PACRG: variants seen among roughly 807,000 people sequenced by gnomAD.
PACRG encodes parkin coregulated, also known as parkin coregulated gene protein.
A neutral mutation model predicts 29.7 loss-of-function variants in PACRG; 29 were observed. The observed-to-expected ratio is 0.98, with a 90% CI of 0.73 to 1.33. The LOEUF (loss-of-function observed/expected upper bound fraction) is 1.33. Ranked by LOEUF, PACRG falls within the 40% of genes most tolerant of loss-of-function variation. The probability of loss-of-function intolerance (pLI) is 0.00; values close to 1 mark genes in which losing one functional copy is unlikely to be tolerated. For missense variants in PACRG, 279 were observed against 316.2 expected (o/e 0.88, Z 0.89); for synonymous variants, 116 against 118.7 (o/e 0.98, Z 0.15).
At chr6:162,882,796 C>G (rs1389065978) in intron 2 of PACRG, among the ~76,000 whole-genome samples, 1 of 152,234 alleles carries the variant, frequency 6.6e-6, no homozygotes, top group African/African-American at 2.4e-5. Flanking sequence ...GAAGCCTTTT[C>G]TGACCTTCGT....
At chr6:162,884,516 G>C (rs866332249) in intron 2 of PACRG, among the ~76,000 whole-genome samples, 6 of 152,166 alleles carry the variant, frequency 3.9e-5, no homozygotes, top group African/African-American at 7.2e-5. Flanking sequence ...TGGGTAAAGG[G>C]TGAATGGGAT....
intron 3 of PACRG, among the ~76,000 whole-genome samples, chr6:163,078,874 C>T (rs1423770931): frequency 6.6e-6 from 1 of 152,192 alleles, no homozygotes; most frequent in East Asian, 1.9e-4. Flanking sequence ...AATGCCTGCT[C>T]AAAGTCCACC....
At chr6:162,741,652 A>C (rs375738386) in intron 1 of PACRG, among the ~76,000 whole-genome samples, 8 of 152,190 alleles carry the variant, frequency 5.3e-5, no homozygotes, top group Admixed American at 1.3e-4. Flanking sequence ...GAGCTTCAAC[A>C]CATTAATTTT....
At chr6:162,766,463 C>T (rs2128297271) in intron 1 of PACRG, among the ~76,000 whole-genome samples, 1 of 152,154 alleles carries the variant, frequency 6.6e-6, no homozygotes, top group Admixed American at 6.5e-5. Flanking sequence ...TATTGATGGA[C>T]CCTTAGGTTG....
At chr6:163,269,068 A>G (rs912884377) in intron 4 of PACRG, among the ~76,000 whole-genome samples, 1 of 152,264 alleles carries the variant, frequency 6.6e-6, no homozygotes, top group Non-Finnish European at 1.5e-5. Context: ...CGAGAGTGTC[A>G]ACAAGAACTG....
At chr6:162,869,201 G>A (rs150806303) in intron 2 of PACRG, among the ~76,000 whole-genome samples, 1 of 152,260 alleles carries the variant, frequency 6.6e-6, no homozygotes, top group East Asian at 1.9e-4. Flanking sequence ...CTGGGCTAGG[G>A]CGGCTCCAAG....
rs1011583015 is a variant in PACRG at position 163,063,550 on chromosome 6, C to A, written c.463+1229C>A. On this transcript the variant is annotated intron_variant, in intron 3 of 4. Coordinates refer to ENST00000366888, the MANE Select transcript of PACRG (RefSeq NM_001080379.2). ...CGTATCCAAGGTCACCATTTTTATTCATTCATTCGAATTTATCCATTCATT... is the reference window on the plus strand; with the variant it reads ...CGTATCCAAGGTCACCATTTTTATTAATTCATTCGAATTTATCCATTCATT... Among the ~76,000 whole-genome samples the A allele has an allele frequency of 3.3e-5, 5 of 152,320 alleles. No homozygotes were observed. In the East Asian group the frequency reaches 9.6e-4, roughly 29 times the overall value.
At chr6:162,735,968 C>A (rs1780135722) in intron 1 of PACRG, among the ~76,000 whole-genome samples, 1 of 152,150 alleles carries the variant, frequency 6.6e-6, no homozygotes, top group Non-Finnish European at 1.5e-5. Flanking sequence ...AAAGAAGCAT[C>A]AATTTTGTCA....
intron 4 of PACRG, among the ~76,000 whole-genome samples, chr6:163,224,509 TAG>T (rs1781711653): frequency 1.3e-5 from 2 of 150,030 alleles, no homozygotes; most frequent in South Asian, 4.2e-4. Context: ...TAGAACAGAA[TAG>T]AGAGGCCAAA....
intron 4 of PACRG, among the ~76,000 whole-genome samples, chr6:163,246,850 A>G (rs1281120807): frequency 6.6e-6 from 1 of 152,280 alleles, no homozygotes; most frequent in Non-Finnish European, 1.5e-5. Context: ...CAAGGTGGCC[A>G]GTTACAACAT....
At chr6:162,849,947 G>A (rs192030437) in intron 2 of PACRG, among the ~76,000 whole-genome samples, 2 of 152,260 alleles carry the variant, frequency 1.3e-5, no homozygotes, top group African/African-American at 4.8e-5. Context: ...TTGTAGGGTA[G>A]CATATTTCTA....
At chr6:162,897,246 T>A (rs550851738) in intron 2 of PACRG, among the ~76,000 whole-genome samples, 1 of 152,328 alleles carries the variant, frequency 6.6e-6, no homozygotes, top group South Asian at 2.1e-4. Context: ...TTTTTCAAAC[T>A]TCAGTACTAA....
At chr6:162,914,046 A>G (rs1305816224) in intron 2 of PACRG, among the ~76,000 whole-genome samples, 1 of 152,172 alleles carries the variant, frequency 6.6e-6, no homozygotes, top group Non-Finnish European at 1.5e-5. Context: ...AGGCTCTGCA[A>G]AAGAGAAAAT....
chr6:163,177,154 C>T (rs772810110), intron 4 of PACRG, among the ~76,000 whole-genome samples: 4 of 152,194 alleles, frequency 2.6e-5, no homozygotes, highest in East Asian at 1.9e-4. Context: ...ACATAACAGA[C>T]GCCCCAAGGC....
intron 1 of PACRG, among the ~76,000 whole-genome samples, chr6:162,784,405 A>G (rs762291795): frequency 4.6e-5 from 7 of 152,196 alleles, no homozygotes; most frequent in Non-Finnish European, 8.8e-5. Flanking sequence ...ACCTAGAGGA[A>G]GATAGAGCTG....
At chr6:163,046,963 C>A (rs1219645659) in intron 2 of PACRG, among the ~76,000 whole-genome samples, 1 of 152,206 alleles carries the variant, frequency 6.6e-6, no homozygotes, top group Non-Finnish European at 1.5e-5. Context: ...ACTATCATAA[C>A]AATTTCTTCT....
chr6:163,091,322 G>C (rs1814091331), intron 4 of PACRG, among the ~76,000 whole-genome samples: 1 of 152,140 alleles, frequency 6.6e-6, no homozygotes, highest in African/African-American at 2.4e-5. Flanking sequence ...TCTCATTATA[G>C]TTTTTCTTTA....
chr6:162,830,942 C>T (rs188935281), intron 2 of PACRG, among the ~76,000 whole-genome samples: 10 of 152,262 alleles, frequency 6.6e-5, no homozygotes, highest in Admixed American at 2.0e-4. Flanking sequence ...AAGAAACATG[C>T]GTTGAGCATC....
chr6:163,082,567 T>A (rs1813183987), intron 3 of PACRG, among the ~76,000 whole-genome samples: 1 of 152,208 alleles, frequency 6.6e-6, no homozygotes, highest in Non-Finnish European at 1.5e-5. Flanking sequence ...TAAAAGCGCT[T>A]ATCTTTTAGT....
Sources: gnomAD v4.1 joint callset for allele counts (sites outside exome capture counted in the v4.1 genomes callset) on GRCh38, gnomAD v4.1.1 for gene constraint, MANE v1.5 for transcripts, NCBI Gene and HGNC (gene_info 2026-07-23, HGNC 2026-07-21) for gene names.